CYP51A1: variants seen among roughly 807,000 people sequenced by gnomAD.
The protein encoded by CYP51A1 is lanosterol 14-alpha demethylase.
CYP51A1 carries 45 observed loss-of-function variants against 53.5 expected under a neutral mutation model. The observed-to-expected ratio is 0.84, with a 90% CI of 0.66 to 1.08. The LOEUF (loss-of-function observed/expected upper bound fraction) is 1.08, where lower values mean the gene tolerates loss of function less well. Among genes scored for constraint, CYP51A1 ranks in the 50% least tolerant of loss-of-function variants. The pLI, the probability that CYP51A1 is intolerant of heterozygous loss-of-function variation, is 0.00. For missense variants in CYP51A1, 462 were observed against 621.7 expected (o/e 0.74, Z 2.73); for synonymous variants, 181 against 217.7 (o/e 0.83, Z 1.48).
intron 2 of CYP51A1, among the ~76,000 whole-genome samples, chr7:92,130,910 A>T (rs2130957127): frequency 6.6e-6 from 1 of 152,338 alleles, no homozygotes; most frequent in South Asian, 2.1e-4. Flanking sequence ...GTGTTCAAAT[A>T]TCATTAAGGT....
chr7:92,125,281 G>A (rs1391843837), intron 5 of CYP51A1, among the ~76,000 whole-genome samples: 1 of 151,922 alleles, frequency 6.6e-6, no homozygotes, highest in African/African-American at 2.4e-5. Flanking sequence ...AAGGTATGAT[G>A]AGTTCCAGAG....
At chr7:92,121,926 C>T (rs1819700442) in intron 7 of CYP51A1, among the ~76,000 whole-genome samples, 1 of 152,136 alleles carries the variant, frequency 6.6e-6, no homozygotes, top group African/African-American at 2.4e-5. Flanking sequence ...ATGCTAAAAA[C>T]CACAAAGTGT....
intron 4 of CYP51A1, 36 bp from the exon 5 acceptor site, chr7:92,126,463 T>C: frequency 6.6e-7 from 1 of 1,524,662 alleles, no homozygotes; most frequent in Non-Finnish European, 8.8e-7. Flanking sequence ...CATTACTATT[T>C]CCAAAAAGTG....
At chr7:92,118,715 C>T (rs1249768929) in intron 7 of CYP51A1, 100 bp from the exon 8 acceptor site, 1 of 703,188 alleles carries the variant, frequency 1.4e-6, no homozygotes, top group African/African-American at 1.8e-5. Context: ...GCTTGCATTC[C>T]AGCTAAAAGT....
chr7:92,134,258 A>G lies in CYP51A1; in HGVS notation c.107T>C (p.Leu36Pro). The G allele has an allele frequency of 3.1e-6, 5 of 1,613,424 alleles. No homozygotes were observed. The highest frequency in any genetic ancestry group is 4.2e-6 in the Non-Finnish European group (5 of 1,179,758). Residue 36 changes from leucine (L) to proline (P), a missense_variant, in exon 1 of 10, where the codon CTG becomes CCG. Physicochemically the swap from Leu to Pro is moderately conservative, Grantham distance 98. Transcript: ENST00000003100. ...KVTGGNLLSM[L>P]LIACAFTLSL... ...GAGGGTGAAGGCGCAGGCGATCAGC[A>G]GCATGGACAAGAGGTTGCCGCCTGT...
rs551893379 is a variant in CYP51A1, at chr7:92,117,567, T to C, written c.1183-355A>G. ...TGGAATTTCAGAGAGGCTTTCACTA[T>C]CAATTTGTACACTTCATATTAACAA... On this transcript the variant is annotated intron_variant, in intron 8 of 9. Transcript: ENST00000003100. The C allele has an allele frequency of 9.6e-5, 16 of 166,124 alleles. No individual in the cohort carries two copies. The South Asian group carries it at 3.0e-3, about 31-fold the overall frequency. 10.3% of individuals were successfully genotyped at this position (166,124 alleles called of 1,614,324 possible).
chr7:92,126,251 A>G lies in CYP51A1; in HGVS notation c.770+2T>C. Reference sequence around the variant, plus strand: ...CTAGTGTAATATATTCTTTATCCATACCTGAAACTAGGCAAAGGCAGCCAA... The same window carrying G: ...CTAGTGTAATATATTCTTTATCCATGCCTGAAACTAGGCAAAGGCAGCCAA... On this transcript the variant is annotated splice_donor_variant, in intron 5 of 9. Coordinates refer to ENST00000003100, the MANE Select transcript of CYP51A1 (RefSeq NM_000786.4). LOFTEE classifies it high-confidence loss of function. 2 of 1,595,892 alleles carry G rather than the reference A, an allele frequency of 1.3e-6. No homozygotes were observed. Among genetic ancestry groups the G allele is most frequent in the East Asian group, 2.2e-5 (1 of 44,724 alleles).
In CYP51A1 at chr7:92,123,750, G is replaced by C; in HGVS notation, c.874C>G (p.Leu292Val). ...EKIDDILQTL[L>V]DATYKDGRPL... ...AGCTCTTACTTGTATGTAGCATCTA[G>C]TAAAGTTTGGAGAATGTCATCAATT... The change falls in exon 6 of 10, where the codon CTA becomes GTA. Residue 292 changes from leucine (L) to valine (V), a missense_variant. Transcript: ENST00000003100. The C allele has an allele frequency of 6.2e-7, 1 of 1,607,862 alleles. No individual in the cohort carries two copies. Among genetic ancestry groups the C allele is most frequent in the Non-Finnish European group, 8.5e-7 (1 of 1,178,116 alleles).
chr7:92,127,450 T>G (rs1819822659), intron 4 of CYP51A1, 55 bp downstream of exon 4: 1 of 1,547,464 alleles, frequency 6.5e-7, no homozygotes, highest in Non-Finnish European at 8.8e-7. Flanking sequence ...ATACTCTACT[T>G]TTCTATTCAC....
At chr7:92,122,648 T>C (rs1283557947) in intron 7 of CYP51A1, among the ~76,000 whole-genome samples, 1 of 152,202 alleles carries the variant, frequency 6.6e-6, no homozygotes, top group Non-Finnish European at 1.5e-5. Context: ...GGTTGTGCAG[T>C]GAGTTGTCCT....
chr7:92,115,623 AC>A (rs1364234387), intron 9 of CYP51A1, among the ~76,000 whole-genome samples: 4 of 152,216 alleles, frequency 2.6e-5, no homozygotes, highest in Non-Finnish European at 2.9e-5. Context: ...GTTTTAAGCC[AC>A]CCATATTGTA....
At chr7:92,118,180 G>T (rs996543714) in intron 8 of CYP51A1, among the ~76,000 whole-genome samples, 1 of 150,966 alleles carries the variant, frequency 6.6e-6, no homozygotes, top group Non-Finnish European at 1.5e-5. Flanking sequence ...TTGAGACAGG[G>T]TCTTGCTCTG....
At chr7:92,129,151 A>C (rs1219949786) in intron 2 of CYP51A1, 95 bp from the exon 3 acceptor site, 1 of 717,332 alleles carries the variant, frequency 1.4e-6, no homozygotes, top group Non-Finnish European at 2.2e-6. Context: ...ATTATTAAAA[A>C]AATAAAAACA....
At chr7:92,124,637 T>C (rs1819758387) in intron 5 of CYP51A1, among the ~76,000 whole-genome samples, 1 of 152,216 alleles carries the variant, frequency 6.6e-6, no homozygotes, top group Admixed American at 6.5e-5. Flanking sequence ...ACTGAAACCA[T>C]GTGTACAGAA....
chr7:92,131,881 G>GA lies in CYP51A1; in HGVS notation c.193-10dup. On this transcript the variant is annotated splice_polypyrimidine_tract_variant and intron_variant, in intron 1 of 9. Coordinates refer to ENST00000003100, the MANE Select transcript of CYP51A1 (RefSeq NM_000786.4). The stretch of plus-strand genomic sequence containing the variant: ...ATGTATGGAGGACTTTTCTACAAGA[G>GA]AAAAAAATAGTAAATTCAATTCGTG... 2 of 1,447,222 alleles carry GA rather than the reference G, an allele frequency of 1.4e-6. No individual in the cohort carries two copies. The highest frequency in any genetic ancestry group is 1.9e-6 in the Non-Finnish European group (2 of 1,031,338). 89.6% of individuals were successfully genotyped at this position (1,447,222 alleles called of 1,614,324 possible).
rs1819998596 is a variant in CYP51A1 at position 92,134,357 on chromosome 7, GC to G, written c.7del (p.Ala3ArgfsTer25). MAAAAGMLLLGLL... is the reference protein window; with the variant it reads MAXAAGMLLLGLL... ...GCCCAGCAGCAGCATCCCAGCCGCCGCCGCCATTCACTCCGTCGGAAACACT... is the reference window on the plus strand; with the variant it reads ...GCCCAGCAGCAGCATCCCAGCCGCCGCGCCATTCACTCCGTCGGAAACACT... On this transcript the variant is annotated frameshift_variant, in exon 1 of 10. Coordinates refer to ENST00000003100, the MANE Select transcript of CYP51A1 (RefSeq NM_000786.4). LOFTEE classifies it high-confidence loss of function. The G allele has an allele frequency of 6.3e-7, 1 of 1,579,312 alleles. No homozygotes were observed. Among genetic ancestry groups the G allele is most frequent in the Non-Finnish European group, 8.6e-7 (1 of 1,159,098 alleles).
At chr7:92,125,280 T>C (rs546291260) in intron 5 of CYP51A1, among the ~76,000 whole-genome samples, 1 of 152,070 alleles carries the variant, frequency 6.6e-6, no homozygotes, top group South Asian at 2.1e-4. Flanking sequence ...TAAGGTATGA[T>C]GAGTTCCAGA....
rs57218044 is a variant in CYP51A1, at chr7:92,127,439, T to C, written c.595+66A>G. On this transcript the variant is annotated intron_variant, in intron 4 of 9. Coordinates refer to ENST00000003100, the MANE Select transcript of CYP51A1 (RefSeq NM_000786.4). Reference sequence around the variant, plus strand: ...TTGTTTTTTATATACTACACACATATATACTCTACTTTTCTATTCACAGAG... The same window carrying C: ...TTGTTTTTTATATACTACACACATACATACTCTACTTTTCTATTCACAGAG... The C allele has an allele frequency of 5.4e-3, 7,932 of 1,473,384 alleles. 355 individuals carry two copies. In the African/African-American group the frequency reaches 0.1, roughly 19 times the overall value. 91.3% of individuals were successfully genotyped at this position (1,473,384 alleles called of 1,614,324 possible).
At position 92,131,934 on chromosome 7, in the gene CYP51A1, C is replaced by T. The variant is rs1428122166; in HGVS notation, c.193-62G>A. 6.0e-6 allele frequency: 6 copies of T among 999,992 alleles called. No homozygotes were observed. The Admixed American group carries it at 7.1e-5, about 12-fold the overall frequency. 61.9% of individuals were successfully genotyped at this position (999,992 alleles called of 1,614,324 possible). A position where few individuals can be genotyped will look rare whatever the true frequency, so the allele number is the denominator to read the frequency against. ...TCATTTCAAGAGAGAAACCCAGTTT[C>T]GTTTCATGACCAAACAATTAAACAA... On this transcript the variant is annotated intron_variant, in intron 1 of 9. Transcript: ENST00000003100.
Sources: gnomAD v4.1 joint callset for allele counts (sites outside exome capture counted in the v4.1 genomes callset) on GRCh38, gnomAD v4.1.1 for gene constraint, MANE v1.5 for transcripts, NCBI Gene and HGNC (gene_info 2026-07-23, HGNC 2026-07-21) for gene names.